Variants in RBFOX1 observed in about 807,000 individuals in gnomAD.
RBFOX1 encodes RNA binding protein fox-1 homolog 1.
In RBFOX1, 8 loss-of-function variants were observed where a neutral mutation model predicts 57.7. That is an observed-to-expected ratio of 0.14 (90% CI 0.08 to 0.25). The LOEUF (loss-of-function observed/expected upper bound fraction) is 0.25. Among genes scored for constraint, RBFOX1 ranks in the 10% least tolerant of loss-of-function variants. The probability of loss-of-function intolerance (pLI) is 1.00; values close to 1 mark genes in which losing one functional copy is unlikely to be tolerated. For missense variants in RBFOX1, 611 were observed against 548.5 expected (o/e 1.11, Z -1.14); for synonymous variants, 326 against 222.4 (o/e 1.47, Z -4.15).
intron 2 of RBFOX1, among the ~76,000 whole-genome samples, chr16:6,425,715 A>G (rs2093906180): frequency 6.7e-6 from 1 of 148,338 alleles, no homozygotes; most frequent in South Asian, 2.1e-4. Flanking sequence ...TCTAATTCAT[A>G]CACACACACA....
At chr16:7,572,273 G>A (rs2092862549) in intron 5 of RBFOX1, among the ~76,000 whole-genome samples, 1 of 152,146 alleles carries the variant, frequency 6.6e-6, no homozygotes, top group Non-Finnish European at 1.5e-5. Flanking sequence ...ATCATTTTAT[G>A]TATATGCAAA....
At chr16:5,797,470 C>T (rs1412982363) in intron 3 of RBFOX1, among the ~76,000 whole-genome samples, 1 of 152,210 alleles carries the variant, frequency 6.6e-6, no homozygotes, top group Admixed American at 6.5e-5. Flanking sequence ...TTGGCTGTAT[C>T]TGGCTTCCAG....
At chr16:6,685,627 A>C (rs1172764130) in intron 3 of RBFOX1, among the ~76,000 whole-genome samples, 5 of 151,966 alleles carry the variant, frequency 3.3e-5, no homozygotes, top group Admixed American at 3.3e-4. Context: ...CCAAGTCCAG[A>C]CATCATTTGC....
At position 6,603,088 on chromosome 16, in the gene RBFOX1, G is replaced by T. The variant is rs1002980090; in HGVS notation, c.-63-51515G>T. ...TCCTAGTAGCAAAAAAATAAAATTT[G>T]CAAGTGGAAACTAATCATCACCGTT... is the stretch of plus-strand genomic sequence containing the variant. On this transcript the variant is annotated intron_variant, in intron 2 of 15. Transcript: ENST00000550418. 8.5e-5 allele frequency among the ~76,000 whole-genome samples: 13 copies of T among 152,276 alleles called. No individual in the cohort carries two copies. In the East Asian group the frequency reaches 2.3e-3, roughly 27 times the overall value.
intron 1 of RBFOX1, among the ~76,000 whole-genome samples, chr16:6,165,542 A>G (rs2096910914): frequency 1.3e-5 from 2 of 152,196 alleles, no homozygotes; most frequent in African/African-American, 2.4e-5. Context: ...TCTGGTGGAC[A>G]TTCATTTTGA....
At chr16:5,684,310 A>G (rs745421798) in intron 3 of RBFOX1, among the ~76,000 whole-genome samples, 12 of 152,166 alleles carry the variant, frequency 7.9e-5, no homozygotes, top group Non-Finnish European at 1.6e-4. Flanking sequence ...TCTATATCCT[A>G]TGAGTTCTGT....
At position 5,808,195 on chromosome 16, in the gene RBFOX1, T is replaced by G. The variant is rs189218641; in HGVS notation, c.319-59108T>G. On this transcript the variant is annotated intron_variant, in intron 3 of 19. Coordinates refer to the RBFOX1 transcript ENST00000641259. ...TTAGGATGGGCCTTAATGGCCTCAT[T>G]AGGACAGAGGCATGTACAGAGTGAA... 1.5e-3 allele frequency among the ~76,000 whole-genome samples: 235 copies of G among 152,260 alleles called. 2 individuals are homozygous for G. The highest frequency in any genetic ancestry group is 0.012 in the East Asian group (64 of 5,172).
At chr16:7,419,153 C>T (rs982896140) in intron 4 of RBFOX1, among the ~76,000 whole-genome samples, 3 of 152,248 alleles carry the variant, frequency 2.0e-5, no homozygotes, top group South Asian at 2.1e-4. Context: ...AGCAGTTCAC[C>T]CACCGTGGCC....
chr16:7,312,457 A>G (rs961180819), intron 4 of RBFOX1, among the ~76,000 whole-genome samples: 6 of 152,244 alleles, frequency 3.9e-5, no homozygotes, highest in Non-Finnish European at 8.8e-5. Flanking sequence ...TTGAAGCTGG[A>G]CATAAACTTC....
intron 2 of RBFOX1, among the ~76,000 whole-genome samples, chr16:6,340,453 C>G (rs1383613997): frequency 6.6e-6 from 1 of 152,194 alleles, no homozygotes; most frequent in East Asian, 1.9e-4. Flanking sequence ...GAATGGCTAC[C>G]TCATAGGCAG....
intron 4 of RBFOX1, among the ~76,000 whole-genome samples, chr16:7,252,555 T>C (rs972373994): frequency 4.6e-5 from 7 of 152,242 alleles, no homozygotes; most frequent in African/African-American, 1.2e-4. Context: ...ACAAAGCTTG[T>C]CCATCATCCA....
At chr16:7,517,537 C>G (rs571823488) in intron 4 of RBFOX1, among the ~76,000 whole-genome samples, 1 of 50,688 alleles carries the variant, frequency 2.0e-5, no homozygotes, top group South Asian at 1.1e-3. Context: ...ATCATACACG[C>G]ATACACACAC....
At chr16:6,824,823 A>T (rs764339770) in intron 3 of RBFOX1, among the ~76,000 whole-genome samples, 1 of 151,996 alleles carries the variant, frequency 6.6e-6, no homozygotes, top group Non-Finnish European at 1.5e-5. Flanking sequence ...CATGTCAAAG[A>T]TAATACATGT....
At chr16:5,358,763 G>A (rs2065461872) in intron 1 of RBFOX1, among the ~76,000 whole-genome samples, 1 of 152,188 alleles carries the variant, frequency 6.6e-6, no homozygotes, top group African/African-American at 2.4e-5. Flanking sequence ...GGAGGCAAAG[G>A]TTGCGGTGAG....
intron 14 of RBFOX1, among the ~76,000 whole-genome samples, chr16:7,696,809 C>G (rs1030605753): frequency 6.6e-6 from 1 of 152,110 alleles, no homozygotes; most frequent in East Asian, 1.9e-4. Context: ...CAGAGAAGGC[C>G]TGTCTGAGGG....
At chr16:5,480,473 C>T (rs1200451431) in intron 2 of RBFOX1, among the ~76,000 whole-genome samples, 1 of 152,166 alleles carries the variant, frequency 6.6e-6, no homozygotes, top group Non-Finnish European at 1.5e-5. Flanking sequence ...CATGAACTCA[C>T]TACCATAATA....
chr16:6,917,548 C>G (rs1208408833), intron 3 of RBFOX1, among the ~76,000 whole-genome samples: 2 of 152,182 alleles, frequency 1.3e-5, no homozygotes, highest in Non-Finnish European at 2.9e-5. Flanking sequence ...TAACAATGTT[C>G]ATTTTTCTAA....
intron 2 of RBFOX1, among the ~76,000 whole-genome samples, chr16:6,519,433 G>A (rs564811459): frequency 6.6e-6 from 1 of 152,286 alleles, no homozygotes; most frequent in African/African-American, 2.4e-5. Context: ...GGGCGCAGTG[G>A]CTCATGGCTG....
At chr16:6,787,284 A>C (rs1329741444) in intron 3 of RBFOX1, among the ~76,000 whole-genome samples, 1 of 152,188 alleles carries the variant, frequency 6.6e-6, no homozygotes, top group Non-Finnish European at 1.5e-5. Flanking sequence ...GCATAATCTT[A>C]AGAGCAAAAG....
Sources: gnomAD v4.1 joint callset for allele counts (sites outside exome capture counted in the v4.1 genomes callset) on GRCh38, gnomAD v4.1.1 for gene constraint, MANE v1.5 for transcripts, NCBI Gene and HGNC (gene_info 2026-07-23, HGNC 2026-07-21) for gene names.